MTERF4: variants seen among roughly 807,000 people sequenced by gnomAD.
The protein encoded by MTERF4 is mitochondrial transcription termination factor 4.
MTERF4 carries 17 observed loss-of-function variants against 22.5 expected under a neutral mutation model. The observed-to-expected ratio is 0.75, with a 90% CI of 0.52 to 1.13. The LOEUF (loss-of-function observed/expected upper bound fraction) is 1.13. MTERF4 is among the 50% of genes most tolerant of loss of function. The pLI is 0.00. For synonymous variants in MTERF4, 165 were observed against 175.3 expected (o/e 0.94, Z 0.47); for missense variants, 420 against 466.8 (o/e 0.90, Z 0.92).
At chr2:241,050,087 G>A in the MTERF4 span, 1 of 703,748 alleles carries the variant, frequency 1.4e-6, no homozygotes, top group Non-Finnish European at 2.6e-6. Context: ...TGTGTATTTA[G>A]AGGTGAGCAC....
chr2:241,048,464 C>A, the MTERF4 span: 1 of 1,577,944 alleles, frequency 6.3e-7, no homozygotes, highest in African/African-American at 1.4e-5. Flanking sequence ...GCAAGGGCTG[C>A]CGTTTTAGGG....
At chr2:241,076,780 G>A (rs904482757) in intron 4 of MTERF4, among the ~76,000 whole-genome samples, 19 of 151,188 alleles carry the variant, frequency 1.3e-4, no homozygotes, top group Non-Finnish European at 2.5e-4. Flanking sequence ...GCTCACGCCT[G>A]TAATCCGTGG....
chr2:241,068,126 C>T (rs62186648), downstream of MTERF4, among the ~76,000 whole-genome samples: 9,735 of 152,188 alleles, frequency 0.064, 395 homozygotes, highest in East Asian at 0.15. The surrounding 1 kb of genome is among the most constrained non-coding windows in gnomAD (Gnocchi z 5.3). Context: ...GCTTCACTCC[C>T]GCCTCACCTC....
At chr2:241,074,632 C>T (rs376119246) in exon 5 of MTERF4, 3 of 152,088 alleles carry the variant, frequency 2.0e-5, no homozygotes, top group East Asian at 3.9e-4. Flanking sequence ...TTTGCCAGCA[C>T]GAGATGCTCA....
chr2:241,089,627 G>A (rs904804861), downstream of MTERF4, among the ~76,000 whole-genome samples: 3 of 152,134 alleles, frequency 2.0e-5, no homozygotes, highest in African/African-American at 7.2e-5. Context: ...TTGACTCGAG[G>A]GAATCACTTC....
chr2:241,051,738 A>G, the MTERF4 span: 2 of 1,478,580 alleles, frequency 1.4e-6, no homozygotes, highest in Non-Finnish European at 1.8e-6. This position sits in a 1 kb window ranked among gnomAD's most constrained non-coding sequence, Gnocchi z 4.7. Context: ...CTGTCCTTCC[A>G]CACAGCCCGG....
chr2:241,071,654 C>T (rs963156968), downstream of MTERF4: 226 of 1,569,334 alleles, frequency 1.4e-4, no homozygotes, highest in Non-Finnish European at 1.8e-4. Context: ...CCGCCCCCGG[C>T]GCGCCTGCCG....
chr2:241,059,860 C>T, the MTERF4 span, among the ~76,000 whole-genome samples: 1 of 152,166 alleles, frequency 6.6e-6, no homozygotes, highest in African/African-American at 2.4e-5. Context: ...GGCAAGGTGT[C>T]CATTCAGTAC....
downstream of MTERF4, chr2:241,071,963 T>A: frequency 8.9e-7 from 1 of 1,125,564 alleles, no homozygotes; most frequent in Non-Finnish European, 1.3e-6. Context: ...CCCTACATGA[T>A]GAGCCCACCC....
At position 241,095,778 on chromosome 2, in the gene MTERF4, C is replaced by T. The variant is rs184080439; in HGVS notation, c.*220G>A. On this transcript the variant is annotated 3_prime_UTR_variant, in exon 4 of 4. Coordinates refer to ENST00000391980, the MANE Select transcript of MTERF4 (RefSeq NM_182501.4). The stretch of plus-strand genomic sequence containing the variant: ...CTTATTCAGGATGGGACAGGGCCCT[C>T]CCCACAGACACGTGACAACAGATCA... The T allele has an allele frequency of 1.5e-3, 1,109 of 756,660 alleles. No homozygotes were observed. Among genetic ancestry groups the T allele is most frequent in the Middle Eastern group, 2.3e-3 (6 of 2,648 alleles). 46.9% of individuals were successfully genotyped at this position (756,660 alleles called of 1,614,324 possible). A position where few individuals can be genotyped will look rare whatever the true frequency, so the allele number is the denominator to read the frequency against.
chr2:241,069,107 C>T, downstream of MTERF4: 1 of 906,144 alleles, frequency 1.1e-6, no homozygotes, highest in Non-Finnish European at 1.7e-6. The surrounding 1 kb of genome is among the most constrained non-coding windows in gnomAD (Gnocchi z 4.9). Flanking sequence ...CTAGTCCTCT[C>T]CAAAGCGTCC....
chr2:241,051,945 G>A, the MTERF4 span: 2 of 1,477,328 alleles, frequency 1.4e-6, no homozygotes, highest in Non-Finnish European at 1.9e-6. The surrounding 1 kb of genome is among the most constrained non-coding windows in gnomAD (Gnocchi z 4.7). Flanking sequence ...CCTGCCAGCT[G>A]TGGGTCTGCT....
downstream of MTERF4, among the ~76,000 whole-genome samples, chr2:241,068,424 G>A (rs2074843): frequency 0.2 from 30,963 of 151,304 alleles, 3,446 homozygotes; most frequent in Middle Eastern, 0.3. The surrounding 1 kb of genome is among the most constrained non-coding windows in gnomAD (Gnocchi z 5.3). Flanking sequence ...GCCAACCAAA[G>A]AGAAAGCTTC....
downstream of MTERF4, among the ~76,000 whole-genome samples, chr2:241,071,210 GGAGAA>G (rs1420565659): frequency 6.6e-6 from 1 of 152,194 alleles, no homozygotes; most frequent in East Asian, 1.9e-4. Flanking sequence ...AGGCCACTGG[GGAGAA>G]GCACTGTGTC....
chr2:241,055,127 AAG>A, the MTERF4 span, among the ~76,000 whole-genome samples: 1 of 151,542 alleles, frequency 6.6e-6, no homozygotes, highest in East Asian at 1.9e-4. Context: ...AAAAAAAAAA[AAG>A]AAAAAATATT....
the MTERF4 span, among the ~76,000 whole-genome samples, chr2:241,047,175 T>G: frequency 0.2 from 11,713 of 59,452 alleles, 746 homozygotes; most frequent in East Asian, 0.33. Flanking sequence ...AAAAAGTAAA[T>G]TAGGTAAACT....
chr2:241,072,770 G>A, exon 5 of MTERF4: 1 of 189,418 alleles, frequency 5.3e-6, no homozygotes, highest in South Asian at 1.0e-4. Context: ...TGTACTTGCA[G>A]CTATGGAAGC....
rs147184488 is a variant in MTERF4 at position 241,096,319 on chromosome 2, T to C, written c.825A>G (p.Gln275=). 2.9e-5 allele frequency: 47 copies of C among 1,614,196 alleles called. No individual in the cohort carries two copies. The African/African-American group carries it at 4.7e-4, about 16-fold the overall frequency. ...GTGTCTGCCCCTTCTTATCAGGGGTTTGGTACCGTCCCAGGCGCTCCAGGT... is the reference window on the plus strand; with the variant it reads ...GTGTCTGCCCCTTCTTATCAGGGGTCTGGTACCGTCCCAGGCGCTCCAGGT... ...HIYLERLGRY[Q]TPDKKGQTQI... The change falls in exon 4 of 4, where the codon CAA becomes CAG. Residue 275 remains glutamine (Q), a synonymous_variant. Transcript: ENST00000391980. This position sits in a 1 kb window ranked among gnomAD's most constrained non-coding sequence, Gnocchi z 5.1.
At position 241,073,369 on chromosome 2, in the gene MTERF4, G is replaced by A. The variant is rs1162632310; in HGVS notation, n.2793C>T. 3.8e-6 allele frequency: 6 copies of A among 1,561,760 alleles called. No homozygotes were observed. In the African/African-American group the frequency reaches 6.8e-5, roughly 18 times the overall value. ...ACGGCAGCAAGGACATCGGAAGTGA[G>A]TCAGCAGCGCTGGTGGGGACTTTGG... is the stretch of plus-strand genomic sequence containing the variant. On this transcript the variant is annotated non_coding_transcript_exon_variant, in exon 5 of 5. Coordinates refer to the MTERF4 transcript ENST00000464344. The surrounding 1 kb of genome is among the most constrained non-coding windows in gnomAD (Gnocchi z 6.6).
Sources: gnomAD v4.1 joint callset for allele counts (sites outside exome capture counted in the v4.1 genomes callset) on GRCh38, gnomAD v4.1.1 for gene constraint, Gnocchi (gnomAD v3.1) non-coding constraint, MANE v1.5 for transcripts, NCBI Gene and HGNC (gene_info 2026-07-23, HGNC 2026-07-21) for gene names.